Variants in CTNNAL1 observed in about 807,000 individuals in gnomAD.
CTNNAL1 encodes alpha-catulin.
In CTNNAL1, 69 loss-of-function variants were observed where a neutral mutation model predicts 93.6. That is an observed-to-expected ratio of 0.74 (90% CI 0.61 to 0.90). The LOEUF is 0.90. CTNNAL1 is among the 40% of genes least tolerant of loss of function. The pLI is 0.00. For missense variants in CTNNAL1, 836 were observed against 862.0 expected (o/e 0.97, Z 0.38); for synonymous variants, 286 against 305.4 (o/e 0.94, Z 0.66).
chr9:108,970,491 AG>A lies in CTNNAL1; in HGVS notation c.1350del (p.Cys451ValfsTer15). On this transcript the variant is annotated frameshift_variant and splice_region_variant, in exon 10 of 19. Transcript: ENST00000325551. LOFTEE classifies it high-confidence loss of function. ...CCAGATATGTGTCGTAACAATCGAC[AG>A]GTCTACAAGACAATATGTCTACAGT... is the stretch of plus-strand genomic sequence containing the variant. ...LSEQKEQLVE[T>X]CRLLRHISGT... The A allele has an allele frequency of 6.2e-7, 1 of 1,609,918 alleles. No individual in the cohort carries two copies. Among genetic ancestry groups the A allele is most frequent in the Non-Finnish European group, 8.5e-7 (1 of 1,178,250 alleles).
intron 4 of CTNNAL1, 114 bp downstream of exon 4, chr9:108,990,612 G>A: frequency 7.6e-7 from 1 of 1,307,824 alleles, no homozygotes. Context: ...CAAGACCAAG[G>A]CTATAGACTT....
chr9:108,948,185 C>T lies in CTNNAL1; in HGVS notation c.1884+1G>A. ...TAGCATAAAACGGAAACAAGGCATACCTCTAGTTGATGAATTAAATCCTGG... is the reference window on the plus strand; with the variant it reads ...TAGCATAAAACGGAAACAAGGCATATCTCTAGTTGATGAATTAAATCCTGG... On this transcript the variant is annotated splice_donor_variant, in intron 15 of 18. Coordinates refer to ENST00000325551, the MANE Select transcript of CTNNAL1 (RefSeq NM_003798.4). LOFTEE classifies it high-confidence loss of function. 2 of 1,611,636 alleles carry T rather than the reference C, an allele frequency of 1.2e-6. No individual in the cohort carries two copies. The highest frequency in any genetic ancestry group is 1.1e-5 in the South Asian group (1 of 90,486).
intron 6 of CTNNAL1, among the ~76,000 whole-genome samples, chr9:108,982,714 C>T (rs1478493660): frequency 6.6e-6 from 1 of 152,204 alleles, no homozygotes; most frequent in Non-Finnish European, 1.5e-5. Context: ...GATACATTTG[C>T]TTTTGTGAAG....
At chr9:109,004,929 T>C (rs1461845352) in intron 1 of CTNNAL1, among the ~76,000 whole-genome samples, 1 of 152,200 alleles carries the variant, frequency 6.6e-6, no homozygotes, top group Non-Finnish European at 1.5e-5. Flanking sequence ...CCTCAGGTAT[T>C]ATTAAAGATT....
At chr9:108,973,738 A>C (rs764382021) in intron 8 of CTNNAL1, among the ~76,000 whole-genome samples, 76 of 149,060 alleles carry the variant, frequency 5.1e-4, no homozygotes, top group Non-Finnish European at 7.4e-5. Context: ...GAAATAGATC[A>C]TTTTTAATAA....
chr9:108,999,561 G>A (rs541998456), intron 1 of CTNNAL1, among the ~76,000 whole-genome samples: 12 of 152,264 alleles, frequency 7.9e-5, no homozygotes, highest in Admixed American at 2.6e-4. Flanking sequence ...AAGTAGAAGC[G>A]GATAGATCAT....
At chr9:108,954,827 C>CGTGT (rs113259774) in intron 12 of CTNNAL1, among the ~76,000 whole-genome samples, 17,349 of 152,150 alleles carry the variant, frequency 0.11, 1,169 homozygotes, top group Middle Eastern at 0.15. Context: ...TTCCCCTACA[C>CGTGT]CATCAAGCAT....
intron 1 of CTNNAL1, among the ~76,000 whole-genome samples, chr9:109,002,568 A>C (rs1261533301): frequency 6.6e-6 from 1 of 152,222 alleles, no homozygotes; most frequent in Non-Finnish European, 1.5e-5. Flanking sequence ...GGAGACGTCA[A>C]AGCAGATTTT....
intron 11 of CTNNAL1, among the ~76,000 whole-genome samples, chr9:108,958,063 C>CAAAAAAA (rs11291554): frequency 1.3e-4 from 11 of 85,090 alleles, no homozygotes; most frequent in African/African-American, 3.9e-4. Context: ...AAGACTGTCT[C>CAAAAAAA]AAAAAAAAAA....
At position 108,965,548 on chromosome 9, in the gene CTNNAL1, A is replaced by C; in HGVS notation, c.1441-20T>G. The C allele has an allele frequency of 6.9e-7, 1 of 1,439,894 alleles. No individual in the cohort carries two copies. The highest frequency in any genetic ancestry group is 9.3e-7 in the Non-Finnish European group (1 of 1,076,584). The allele number at this position is 1,439,894 out of a possible 1,614,324, so 89.2% of individuals were successfully genotyped here. A position where few individuals can be genotyped will look rare whatever the true frequency, so the allele number is the denominator to read the frequency against. On this transcript the variant is annotated intron_variant, in intron 10 of 18. Transcript: ENST00000325551. ...AATTATCTAAAGAAACACAATATAC[A>C]CCTGTGTGAATTTCAAAATCTTAGC...
At chr9:108,957,985 G>A (rs577062826) in intron 11 of CTNNAL1, among the ~76,000 whole-genome samples, 56 of 148,816 alleles carry the variant, frequency 3.8e-4, no homozygotes, top group African/African-American at 1.4e-3. Flanking sequence ...AGGCGTAGTG[G>A]TGCATGCCTG....
chr9:108,943,707 A>G lies in CTNNAL1; in HGVS notation c.2051T>C (p.Leu684Pro). Residue 684 changes from leucine (L) to proline (P), a missense_variant, in exon 17 of 19, where the codon CTA becomes CCA. Physicochemically the swap from Leu to Pro is moderately conservative, Grantham distance 98. Transcript: ENST00000325551. The part of the protein sequence containing the change: ...TKTSLQNKVF[L>P]KVDKCITKTR... ...TTTTTCATATGTCTCTTTTACCTTTAGAAATACTTTATTCTGCAAAGAAGT... is the reference window on the plus strand; with the variant it reads ...TTTTTCATATGTCTCTTTTACCTTTGGAAATACTTTATTCTGCAAAGAAGT... The G allele has an allele frequency of 4.4e-6, 7 of 1,608,408 alleles. No individual in the cohort carries two copies. The highest frequency in any genetic ancestry group is 5.9e-6 in the Non-Finnish European group (7 of 1,178,270).
intron 15 of CTNNAL1, 130 bp downstream of exon 15, chr9:108,948,056 C>T (rs1830455138): frequency 3.1e-5 from 33 of 1,051,870 alleles, no homozygotes; most frequent in Non-Finnish European, 4.5e-5. Context: ...TTTTCTACTG[C>T]TCTCTGTAAT....
At chr9:108,960,785 A>C (rs1342334425) in intron 11 of CTNNAL1, among the ~76,000 whole-genome samples, 2 of 152,160 alleles carry the variant, frequency 1.3e-5, no homozygotes, top group Non-Finnish European at 2.9e-5. Context: ...ATTCACCACT[A>C]AGGAAAAGTG....
chr9:109,008,679 C>A (rs1264451649), intron 1 of CTNNAL1, among the ~76,000 whole-genome samples: 1 of 152,096 alleles, frequency 6.6e-6, no homozygotes, highest in East Asian at 1.9e-4. Context: ...AGTTGAATAT[C>A]TTTTCCTATA....
At chr9:108,989,154 T>A (rs1213707580) in intron 4 of CTNNAL1, among the ~76,000 whole-genome samples, 1 of 152,112 alleles carries the variant, frequency 6.6e-6, no homozygotes, top group African/African-American at 2.4e-5. Flanking sequence ...TAACTACAAA[T>A]CAAAATGATG....
chr9:108,978,396 C>T (rs540778440), intron 7 of CTNNAL1, among the ~76,000 whole-genome samples: 1 of 152,324 alleles, frequency 6.6e-6, no homozygotes, highest in South Asian at 2.1e-4. Flanking sequence ...TCAACTGCTC[C>T]TTCTTTCTTC....
intron 1 of CTNNAL1, among the ~76,000 whole-genome samples, chr9:109,006,940 C>G (rs972921918): frequency 6.6e-5 from 10 of 152,134 alleles, no homozygotes; most frequent in African/African-American, 2.4e-4. Context: ...ACCCATCAGC[C>G]AGGCGTGGCA....
intron 8 of CTNNAL1, among the ~76,000 whole-genome samples, chr9:108,975,606 G>A (rs1831245383): frequency 6.6e-6 from 1 of 152,128 alleles, no homozygotes; most frequent in Non-Finnish European, 1.5e-5. Flanking sequence ...TGGGAAAACA[G>A]GGAACAGGGG....
Sources: allele counts gnomAD v4.1 joint callset (sites outside exome capture counted in the v4.1 genomes callset), GRCh38; gene constraint gnomAD v4.1.1; transcripts MANE v1.5; gene names NCBI Gene and HGNC (gene_info 2026-07-23, HGNC 2026-07-21).